Variants in KDM1B observed in about 807,000 individuals in gnomAD.
The protein encoded by KDM1B is lysine demethylase 1B.
KDM1B carries 63 observed loss-of-function variants against 107.4 expected under a neutral mutation model. The observed-to-expected ratio is 0.59, with a 90% CI of 0.48 to 0.72. The LOEUF (loss-of-function observed/expected upper bound fraction) is 0.72. Ranked by LOEUF, KDM1B falls within the 30% of genes least tolerant of loss-of-function variation. The probability of loss-of-function intolerance (pLI) is 0.00; values close to 1 mark genes in which losing one functional copy is unlikely to be tolerated. For missense variants in KDM1B, 749 were observed against 1,020.8 expected (o/e 0.73, Z 3.63); for synonymous variants, 363 against 363.9 (o/e 1.00, Z 0.03).
intron 5 of KDM1B, among the ~76,000 whole-genome samples, chr6:18,165,421 T>C (rs113750628): frequency 7.8e-4 from 119 of 152,170 alleles, no homozygotes; most frequent in Middle Eastern, 6.8e-3. Context: ...TGAGCCACCG[T>C]ACCCCGCCGC....
In KDM1B at chr6:18,201,101, T is replaced by C. The variant is rs992172601; in HGVS notation, c.1360-385T>C. Among the ~76,000 whole-genome samples the C allele has an allele frequency of 3.3e-5, 5 of 152,352 alleles. No individual in the cohort carries two copies. The highest frequency in any genetic ancestry group is 2.1e-4 in the South Asian group (1 of 4,832). On this transcript the variant is annotated intron_variant, in intron 13 of 21. Coordinates refer to ENST00000650836, the MANE Select transcript of KDM1B (RefSeq NM_001364614.2). The surrounding 1 kb of genome is among the most constrained non-coding windows in gnomAD (Gnocchi z 4.3). Reference sequence around the variant, plus strand: ...AGACTTTTTCTGAAATGTTTATTGATGGTCAATTCAATTTCAACTTCTGCT... The same window carrying C: ...AGACTTTTTCTGAAATGTTTATTGACGGTCAATTCAATTTCAACTTCTGCT...
Position 18,209,686 on chromosome 6 carries a change from G to A in KDM1B, c.1866+1480G>A, listed in dbSNP as rs916056309. 6.6e-6 allele frequency among the ~76,000 whole-genome samples: 1 copy of A among 152,022 alleles called. No homozygotes were observed. Among genetic ancestry groups the A allele is most frequent in the Non-Finnish European group, 1.5e-5 (1 of 68,016 alleles). Reference sequence around the variant, plus strand: ...AGTGGCACAGTCATAGCTCACTGTAGCCTCGAGCAACTGGGTTCAAGGGAT... The same window carrying A: ...AGTGGCACAGTCATAGCTCACTGTAACCTCGAGCAACTGGGTTCAAGGGAT... On this transcript the variant is annotated intron_variant, in intron 17 of 21. Transcript: ENST00000650836. This position sits in a 1 kb window ranked among gnomAD's most constrained non-coding sequence, Gnocchi z 4.3.
At chr6:18,165,975 C>G (rs1162524470) in intron 5 of KDM1B, among the ~76,000 whole-genome samples, 1 of 152,080 alleles carries the variant, frequency 6.6e-6, no homozygotes, top group Non-Finnish European at 1.5e-5. Flanking sequence ...TCACTGTACT[C>G]CAGCCTGAGC....
At chr6:18,178,722 T>G (rs1202439826) in intron 7 of KDM1B, among the ~76,000 whole-genome samples, 1 of 152,236 alleles carries the variant, frequency 6.6e-6, no homozygotes, top group Non-Finnish European at 1.5e-5. Flanking sequence ...CATTTTCAAG[T>G]TGTGCACTGT....
intron 6 of KDM1B, among the ~76,000 whole-genome samples, chr6:18,169,505 C>T (rs1171449033): frequency 6.6e-6 from 1 of 152,048 alleles, no homozygotes; most frequent in African/African-American, 2.4e-5. Flanking sequence ...GGATTATAGG[C>T]GTGAGCCACC....
chr6:18,220,802 C>T (rs1168256112), intron 21 of KDM1B, among the ~76,000 whole-genome samples: 29 of 149,614 alleles, frequency 1.9e-4, no homozygotes, highest in Non-Finnish European at 3.7e-4. Context: ...GATGGAGTCT[C>T]GCTGTGTCGC....
chr6:18,171,039 C>G (rs528989243), intron 6 of KDM1B, among the ~76,000 whole-genome samples: 5 of 151,966 alleles, frequency 3.3e-5, no homozygotes, highest in African/African-American at 1.2e-4. Context: ...CCAGGATGGT[C>G]TGGATTTCCT....
rs558328516 is a variant in KDM1B at position 18,174,677 on chromosome 6, G to C, written c.534+3198G>C. Among the ~76,000 whole-genome samples, 3 of 151,776 alleles carry C rather than the reference G, an allele frequency of 2.0e-5. 1 individual carries two copies. Among genetic ancestry groups the C allele is most frequent in the African/African-American group, 7.3e-5 (3 of 41,346 alleles). On this transcript the variant is annotated intron_variant, in intron 7 of 21. Coordinates refer to ENST00000650836, the MANE Select transcript of KDM1B (RefSeq NM_001364614.2). ...ATTCATATGCCTTTGTGTCCTCATA[G>C]CTTAGCTTCCACATATCAGTGAGAA...
rs1789357494 is a variant in KDM1B at position 18,217,688 on chromosome 6, A to G, written c.2233-45A>G. ...TGAGTCACTGCGCCCTGCCATCTAC[A>G]TCCCTTCTTGATCCTACTTCATAAT... On this transcript the variant is annotated intron_variant, in intron 20 of 21. Transcript: ENST00000650836. 5 of 1,571,926 alleles carry G rather than the reference A, an allele frequency of 3.2e-6. No homozygotes were observed. The East Asian group carries it at 9.0e-5, about 28-fold the overall frequency.
At chr6:18,170,561 C>T (rs954538416) in intron 6 of KDM1B, among the ~76,000 whole-genome samples, 1 of 151,646 alleles carries the variant, frequency 6.6e-6, no homozygotes, top group African/African-American at 2.4e-5. Flanking sequence ...CTCACTGCAG[C>T]CTTGACCTCC....
Position 18,214,940 on chromosome 6 carries a change from AAAAG to A in KDM1B, c.2110-65_2110-62del. On this transcript the variant is annotated intron_variant, in intron 19 of 21. Coordinates refer to ENST00000650836, the MANE Select transcript of KDM1B (RefSeq NM_001364614.2). The surrounding 1 kb of genome is among the most constrained non-coding windows in gnomAD (Gnocchi z 4.4). ...AAACAAAACAAAACAAAAAACAAAA[AAAAG>A]AGGCCCTTATCTGTGGGAGCTGAGC... is the stretch of plus-strand genomic sequence containing the variant. 6.5e-7 allele frequency: 1 copy of A among 1,526,816 alleles called. No individual in the cohort carries two copies. Among genetic ancestry groups the A allele is most frequent in the Non-Finnish European group, 8.8e-7 (1 of 1,133,304 alleles). 94.6% of individuals were successfully genotyped at this position (1,526,816 alleles called of 1,614,324 possible). A position where few individuals can be genotyped will look rare whatever the true frequency, so the allele number is the denominator to read the frequency against.
Position 18,164,400 on chromosome 6 carries a change from TTA to T in KDM1B, c.305+1479_305+1480del, listed in dbSNP as rs1308124213. On this transcript the variant is annotated intron_variant, in intron 5 of 21. Transcript: ENST00000650836. ...GCCTCAGCCTCCCAAAGTGCTGGGA[TTA>T]TAGCACTTTGGTGGTAGCTCGAGCC... 3.3e-5 allele frequency among the ~76,000 whole-genome samples: 5 copies of T among 152,188 alleles called. 1 individual carries two copies. The highest frequency in any genetic ancestry group is 1.2e-4 in the African/African-American group (5 of 41,522).
intron 6 of KDM1B, 127 bp from the exon 7 acceptor site, chr6:18,171,236 A>G (rs1785644440): frequency 1.4e-6 from 1 of 693,962 alleles, no homozygotes. Flanking sequence ...GATGATGGTA[A>G]TGCAAGGAGG....
In KDM1B at chr6:18,159,537, C is replaced by T. The variant is rs1453706022; in HGVS notation, c.-13-346C>T. Among the ~76,000 whole-genome samples the T allele has an allele frequency of 1.3e-5, 2 of 152,108 alleles. No homozygotes were observed. Among genetic ancestry groups the T allele is most frequent in the East Asian group, 3.8e-4 (2 of 5,196 alleles). On this transcript the variant is annotated intron_variant, in intron 2 of 21. Transcript: ENST00000650836. The surrounding 1 kb of genome is among the most constrained non-coding windows in gnomAD (Gnocchi z 4.5). Reference sequence around the variant, plus strand: ...AGGTTATCTTGTTTAAACTTCATGCCAGTGCTATAGTAAATGCTTATGGTG... The same window carrying T: ...AGGTTATCTTGTTTAAACTTCATGCTAGTGCTATAGTAAATGCTTATGGTG...
At chr6:18,160,187 G>A (rs758828713) in intron 3 of KDM1B, among the ~76,000 whole-genome samples, 3 of 152,196 alleles carry the variant, frequency 2.0e-5, no homozygotes, top group Non-Finnish European at 4.4e-5. Context: ...GGAACTGTAA[G>A]TATAAAGGCG....
In KDM1B at chr6:18,212,381, C is replaced by A; in HGVS notation, c.1867-107C>A. On this transcript the variant is annotated intron_variant, in intron 17 of 21. Transcript: ENST00000650836. The surrounding 1 kb of genome is among the most constrained non-coding windows in gnomAD (Gnocchi z 5.2). ...GAGCAACCTGCACAGTTGCACATGGCAGCCCTTGTTCTTGCCAGTATAACA... is the reference window on the plus strand; with the variant it reads ...GAGCAACCTGCACAGTTGCACATGGAAGCCCTTGTTCTTGCCAGTATAACA... The A allele has an allele frequency of 1.3e-6, 1 of 776,906 alleles. No homozygotes were observed. The allele number at this position is 776,906 out of a possible 1,614,324, so 48.1% of individuals were successfully genotyped here. A position where few individuals can be genotyped will look rare whatever the true frequency, so the allele number is the denominator to read the frequency against.
At chr6:18,179,704 GCTTTGTCTCGGTATC>G (rs1786297706) in intron 7 of KDM1B, among the ~76,000 whole-genome samples, 1 of 151,760 alleles carries the variant, frequency 6.6e-6, no homozygotes, top group South Asian at 2.1e-4. Context: ...ACGTTGGTGG[GCTTTGTCTCGGTATC>G]CTTTCTTTTA....
chr6:18,159,917 A>T lies in KDM1B; in HGVS notation c.22A>T (p.Thr8Ser). The T allele has an allele frequency of 1.2e-6, 2 of 1,610,402 alleles. No individual in the cohort carries two copies. The highest frequency in any genetic ancestry group is 1.7e-6 in the Non-Finnish European group (2 of 1,178,468). MATPRGR[T>S]KKKASFDHSP... ...TGTAATGGCAACTCCACGGGGGAGG[A>T]CAAAGAAAAAAGCATCTTTTGATCA... The change falls in exon 3 of 22, where the codon ACA (threonine) becomes TCA (serine). Residue 8 changes from threonine (T) to serine (S), a missense_variant. Transcript: ENST00000650836. The surrounding 1 kb of genome is among the most constrained non-coding windows in gnomAD (Gnocchi z 4.5).
chr6:18,160,505 G>A (rs900291954), intron 3 of KDM1B, among the ~76,000 whole-genome samples: 2 of 152,136 alleles, frequency 1.3e-5, no homozygotes, highest in African/African-American at 2.4e-5. Context: ...TTGGGAGTCC[G>A]AGGCCGGTGG....
Sources: allele counts gnomAD v4.1 joint callset (sites outside exome capture counted in the v4.1 genomes callset), GRCh38; gene constraint gnomAD v4.1.1; non-coding constraint Gnocchi (gnomAD v3.1); transcripts MANE v1.5; gene names NCBI Gene and HGNC (gene_info 2026-07-23, HGNC 2026-07-21).